The following STK38 variants were observed in gnomAD, a reference collection of about 807,000 sequenced individuals.
STK38 encodes the protein serine/threonine-protein kinase 38.
STK38 carries 26 observed loss-of-function variants against 59.0 expected under a neutral mutation model. That is an observed-to-expected ratio of 0.44 (90% CI 0.32 to 0.61). STK38 has a LOEUF of 0.61. STK38 is among the 20% of genes least tolerant of loss of function. The pLI is 0.04. For synonymous variants in STK38, 175 were observed against 176.6 expected (o/e 0.99, Z 0.07); for missense variants, 433 against 566.0 (o/e 0.76, Z 2.38).
intron 9 of STK38, among the ~76,000 whole-genome samples, chr6:36,503,450 T>TGTGTGTGTGTGTGTG (rs560345828): frequency 3.8e-5 from 5 of 131,340 alleles, no homozygotes; most frequent in African/African-American, 1.5e-4. Flanking sequence ...GTGTGTGTGT[T>TGTGTGTGTGTGTGTG]TGTGTGTGTA....
At chr6:36,501,503 C>T (rs1013922699) in intron 9 of STK38, among the ~76,000 whole-genome samples, 8 of 151,412 alleles carry the variant, frequency 5.3e-5, no homozygotes, top group African/African-American at 1.2e-4. Context: ...AGACCCATTA[C>T]CCACATTAAA....
chr6:36,515,360 T>C lies in STK38; in HGVS notation c.647A>G (p.Asp216Gly). 2 of 1,614,082 alleles carry C rather than the reference T, an allele frequency of 1.2e-6. No individual in the cohort carries two copies. Among genetic ancestry groups the C allele is most frequent in the Non-Finnish European group, 1.7e-6 (2 of 1,179,982 alleles). ...LGFIHRDIKP[D>G]NLLLDSKGHV... The stretch of plus-strand genomic sequence containing the variant: ...TACCTTGCTGTCCAAAAGAAGGTTG[T>C]CTGGTTTGATGTCTCTGTGGATGAA... The change falls in exon 7 of 14, where the codon GAC becomes GGC. Residue 216 changes from aspartate to glycine, a missense_variant. Transcript: ENST00000229812.
intron 1 of STK38, among the ~76,000 whole-genome samples, chr6:36,545,007 T>C (rs1778025317): frequency 6.6e-6 from 1 of 151,946 alleles, no homozygotes; most frequent in African/African-American, 2.4e-5. Flanking sequence ...AGAATAAAGA[T>C]GGCCGGACAC....
chr6:36,516,737 C>T (rs1365289221), intron 6 of STK38, among the ~76,000 whole-genome samples: 1 of 152,156 alleles, frequency 6.6e-6, no homozygotes, highest in African/African-American at 2.4e-5. Context: ...GGGGCCTCGC[C>T]TGTGCAAGTT....
intron 2 of STK38, among the ~76,000 whole-genome samples, chr6:36,539,333 C>G (rs1428513622): frequency 1.3e-5 from 2 of 150,850 alleles, no homozygotes; most frequent in Non-Finnish European, 1.5e-5. Context: ...CTGCAGTGAG[C>G]TGAGATCATG....
intron 9 of STK38, among the ~76,000 whole-genome samples, chr6:36,504,315 C>T (rs192749149): frequency 4.6e-5 from 7 of 152,196 alleles, no homozygotes; most frequent in African/African-American, 1.4e-4. Context: ...TTTAAGCAGC[C>T]GAGGAATGAA....
intron 1 of STK38, among the ~76,000 whole-genome samples, chr6:36,546,421 T>C (rs1042960926): frequency 2.6e-5 from 4 of 152,114 alleles, no homozygotes; most frequent in African/African-American, 4.8e-5. Flanking sequence ...ACCAAATATA[T>C]TGCCTGGCTA....
At chr6:36,496,562 C>G (rs1776708665) in intron 13 of STK38, 149 bp downstream of exon 13, 1 of 675,208 alleles carries the variant, frequency 1.5e-6, no homozygotes, top group Non-Finnish European at 2.6e-6. Flanking sequence ...CACCACTACC[C>G]AGCATTAGAA....
chr6:36,523,210 C>CTAT (rs1777424116), intron 4 of STK38, among the ~76,000 whole-genome samples: 1 of 151,672 alleles, frequency 6.6e-6, no homozygotes, highest in African/African-American at 2.4e-5. Flanking sequence ...AGGGATCAAT[C>CTAT]TATCACCTGT....
intron 6 of STK38, 108 bp downstream of exon 6, chr6:36,517,609 G>C: frequency 6.9e-7 from 1 of 1,449,886 alleles, no homozygotes; most frequent in Non-Finnish European, 9.3e-7. Flanking sequence ...GATATAGAAA[G>C]CAACTTTGTG....
At chr6:36,508,959 T>C (rs1777035466) in intron 7 of STK38, among the ~76,000 whole-genome samples, 1 of 152,212 alleles carries the variant, frequency 6.6e-6, no homozygotes, top group African/African-American at 2.4e-5. Flanking sequence ...AGCTTGGAGA[T>C]GCCAGAAACC....
chr6:36,540,730 G>A (rs931821140), intron 1 of STK38, among the ~76,000 whole-genome samples: 6 of 151,092 alleles, frequency 4.0e-5, no homozygotes, highest in African/African-American at 7.3e-5. Context: ...AGGTTCAATC[G>A]ATTCTCCCAC....
At chr6:36,540,610 T>G (rs541028262) in intron 1 of STK38, among the ~76,000 whole-genome samples, 1 of 152,314 alleles carries the variant, frequency 6.6e-6, no homozygotes, top group African/African-American at 2.4e-5. Context: ...CCTGTACCTG[T>G]AAGTCACACA....
chr6:36,516,686 G>C (rs1777262158), intron 6 of STK38, among the ~76,000 whole-genome samples: 1 of 152,212 alleles, frequency 6.6e-6, no homozygotes, highest in African/African-American at 2.4e-5. Context: ...CAGTAAGGTA[G>C]CTATACGGCC....
intron 7 of STK38, among the ~76,000 whole-genome samples, chr6:36,514,848 CAAA>C (rs58614183): frequency 5.8e-4 from 45 of 77,694 alleles, no homozygotes; most frequent in East Asian, 2.0e-3. Flanking sequence ...GACTTCATCT[CAAA>C]AAAAAAAAAA....
At chr6:36,526,437 C>G (rs771141686) in intron 2 of STK38, among the ~76,000 whole-genome samples, 1 of 152,064 alleles carries the variant, frequency 6.6e-6, no homozygotes, top group Admixed American at 6.5e-5. Flanking sequence ...AAAAAGTGAT[C>G]AAAAAGGTGA....
chr6:36,512,454 C>A (rs1777136700), intron 7 of STK38, among the ~76,000 whole-genome samples: 2 of 152,302 alleles, frequency 1.3e-5, no homozygotes, highest in South Asian at 4.1e-4. Context: ...TTGAATCACA[C>A]AAGGTAGGGC....
Position 36,495,880 on chromosome 6 carries a change from C to T in STK38, c.1302G>A (p.Lys434=), listed in dbSNP as rs745630763. The T allele has an allele frequency of 8.6e-5, 139 of 1,614,030 alleles. 7 individuals carry two copies. The South Asian group carries it at 1.5e-3, about 17-fold the overall frequency. ...AATTGATGAAGACCCAGTCTTTGTT[C>T]TTGTAGTCAGTCTCAGGATGATTAC... is the stretch of plus-strand genomic sequence containing the variant. The part of the protein sequence containing the change: ...ATSNHPETDY[K]NKDWVFINYT... The change falls in exon 14 of 14, where the codon AAG becomes AAA. Residue 434 remains lysine (K), a synonymous_variant. Coordinates refer to ENST00000229812, the MANE Select transcript of STK38 (RefSeq NM_007271.4).
Position 36,497,842 on chromosome 6 carries a change from A to T in STK38, c.1110T>A (p.Ala370=), listed in dbSNP as rs781191941. The change falls in exon 12 of 14, where the codon GCT becomes GCA. Residue 370 remains alanine (A), a synonymous_variant. Coordinates refer to ENST00000229812, the MANE Select transcript of STK38 (RefSeq NM_007271.4). The stretch of plus-strand genomic sequence containing the variant: ...TACTTTTTATTTCCTCAACTCCAGG[A>T]GCTCCAATTCTATGTTCCCATTCAC... The part of the protein sequence containing the change: ...FCCEWEHRIG[A]PGVEEIKSNS... 1.2e-6 allele frequency: 2 copies of T among 1,613,876 alleles called. No homozygotes were observed. Among genetic ancestry groups the T allele is most frequent in the Non-Finnish European group, 1.7e-6 (2 of 1,179,972 alleles).
Sources: allele counts gnomAD v4.1 joint callset (sites outside exome capture counted in the v4.1 genomes callset), GRCh38; gene constraint gnomAD v4.1.1; transcripts MANE v1.5; gene names NCBI Gene and HGNC (gene_info 2026-07-23, HGNC 2026-07-21).